Variants in AGPAT4 observed in about 807,000 individuals in gnomAD.
The protein encoded by AGPAT4 is 1-acyl-sn-glycerol-3-phosphate acyltransferase delta.
Under a neutral mutation model 48.0 loss-of-function variants are expected in AGPAT4, and 15 were observed. That is an observed-to-expected ratio of 0.31 (90% CI 0.21 to 0.48). The LOEUF (loss-of-function observed/expected upper bound fraction) is 0.48, where lower values mean the gene tolerates loss of function less well. Ranked by LOEUF, AGPAT4 falls within the 20% of genes least tolerant of loss-of-function variation. AGPAT4 has a pLI of 0.99. For missense variants in AGPAT4, 314 were observed against 482.5 expected (o/e 0.65, Z 3.27); for synonymous variants, 178 against 198.7 (o/e 0.90, Z 0.88).
rs777958271 is a variant in AGPAT4 at position 161,136,528 on chromosome 6, C to T, written c.*12G>A. The T allele has an allele frequency of 1.5e-5, 25 of 1,613,310 alleles. No homozygotes were observed. Among genetic ancestry groups the T allele is most frequent in the Non-Finnish European group, 1.9e-5 (23 of 1,179,504 alleles). The stretch of plus-strand genomic sequence containing the variant: ...CCCCAAGGTTCCCTTCGGATGGTGA[C>T]ACCTCCCTGAGTCAGTCATTCAGTT... On this transcript the variant is annotated 3_prime_UTR_variant, in exon 9 of 9. Transcript: ENST00000320285.
intron 2 of AGPAT4, among the ~76,000 whole-genome samples, chr6:161,187,396 T>C (rs1780799856): frequency 6.6e-6 from 1 of 152,176 alleles, no homozygotes. Context: ...TCAAGAAATA[T>C]TGGAATCCAA....
intron 2 of AGPAT4, among the ~76,000 whole-genome samples, chr6:161,170,446 C>A (rs1780231552): frequency 6.7e-6 from 1 of 148,930 alleles, no homozygotes; most frequent in Non-Finnish European, 1.5e-5. Context: ...GGCATTTATA[C>A]ACATGCGCGT....
rs1461084678 is a variant in AGPAT4, at chr6:161,135,505, G to A, written c.*1035C>T. 1 of 152,330 alleles carries A rather than the reference G, an allele frequency of 6.6e-6. No individual in the cohort carries two copies. The highest frequency in any genetic ancestry group is 1.5e-5 in the Non-Finnish European group (1 of 68,138). 9.4% of individuals were successfully genotyped at this position (152,330 alleles called of 1,614,324 possible). A position where few individuals can be genotyped will look rare whatever the true frequency, so the allele number is the denominator to read the frequency against. ...GCCCGGAAGGAAGGCAGAAGCCTGG[G>A]GGTTTTTTGTACATGGGATGTCGGC... On this transcript the variant is annotated 3_prime_UTR_variant, in exon 9 of 9. Transcript: ENST00000320285.
chr6:161,253,222 G>GA (rs937958892), intron 1 of AGPAT4, among the ~76,000 whole-genome samples: 38 of 146,336 alleles, frequency 2.6e-4, no homozygotes, highest in Middle Eastern at 3.4e-3. Context: ...CAAAAAAAAA[G>GA]AAAAAAAAAT....
intron 2 of AGPAT4, among the ~76,000 whole-genome samples, chr6:161,230,545 A>C (rs1782096722): frequency 6.6e-6 from 1 of 152,226 alleles, no homozygotes; most frequent in East Asian, 1.9e-4. Flanking sequence ...ACACAAACTT[A>C]TCTCTCTTCA....
chr6:161,133,577 G>A lies in AGPAT4; in HGVS notation c.*2963C>T, dbSNP rs1278790128. The A allele has an allele frequency of 6.6e-6, 1 of 152,182 alleles. No homozygotes were observed. The allele number at this position is 152,182 out of a possible 1,614,324, so 9.4% of individuals were successfully genotyped here. On this transcript the variant is annotated 3_prime_UTR_variant, in exon 9 of 9. Coordinates refer to ENST00000320285, the MANE Select transcript of AGPAT4 (RefSeq NM_020133.3). ...AGACCTCAAGCTGCATCTTCCAAAT[G>A]GTTGGTGTCTTTTTAAGAGTCCCCG... is the stretch of plus-strand genomic sequence containing the variant.
chr6:161,268,313 G>T (rs1582924091), intron 1 of AGPAT4, among the ~76,000 whole-genome samples: 1 of 152,234 alleles, frequency 6.6e-6, no homozygotes, highest in South Asian at 2.1e-4. Context: ...CTAGACTGAG[G>T]CATCATCTCC....
Position 161,221,246 on chromosome 6 carries a change from C to T in AGPAT4, c.178+10790G>A, listed in dbSNP as rs2115027514. 6.6e-6 allele frequency among the ~76,000 whole-genome samples: 1 copy of T among 152,246 alleles called. No individual in the cohort carries two copies. Among genetic ancestry groups the T allele is most frequent in the Non-Finnish European group, 1.5e-5 (1 of 68,004 alleles). ...AACCACTGGCTAGATCTGAGTGGGG[C>T]AACTGGCCCCAGATGAGGTTCCTAC... On this transcript the variant is annotated intron_variant, in intron 2 of 8. Coordinates refer to ENST00000320285, the MANE Select transcript of AGPAT4 (RefSeq NM_020133.3). The surrounding 1 kb of genome is among the most constrained non-coding windows in gnomAD (Gnocchi z 4.5).
chr6:161,203,844 C>T (rs1481177341), intron 2 of AGPAT4, among the ~76,000 whole-genome samples: 1 of 152,178 alleles, frequency 6.6e-6, no homozygotes, highest in Non-Finnish European at 1.5e-5. Flanking sequence ...CATTTCTCCA[C>T]CCCTTGTAGA....
At position 161,195,291 on chromosome 6, in the gene AGPAT4, C is replaced by T. The variant is rs1300525573; in HGVS notation, c.179-28874G>A. 6.6e-6 allele frequency among the ~76,000 whole-genome samples: 1 copy of T among 152,108 alleles called. No homozygotes were observed. Among genetic ancestry groups the T allele is most frequent in the Non-Finnish European group, 1.5e-5 (1 of 68,016 alleles). On this transcript the variant is annotated intron_variant, in intron 2 of 8. Transcript: ENST00000320285. This position sits in a 1 kb window ranked among gnomAD's most constrained non-coding sequence, Gnocchi z 5.0. ...TTTCAGGGTAAGAGTCCAGCTTTCC[C>T]TTTCCAGTGGCAGTCTTCCCAAAAT...
chr6:161,273,799 C>CCG (rs1317789761), intron 1 of AGPAT4, 139 bp downstream of exon 1: 7 of 149,330 alleles, frequency 4.7e-5, no homozygotes, highest in Non-Finnish European at 1.0e-4. Context: ...TGCACTCCCC[C>CCG]CCCGCCCCCG....
In AGPAT4 at chr6:161,159,612, T is replaced by TGC. The variant is rs1779863739; in HGVS notation, c.349-5303_349-5302insGC. 1.3e-5 allele frequency among the ~76,000 whole-genome samples: 2 copies of TGC among 151,824 alleles called. No homozygotes were observed. Among genetic ancestry groups the TGC allele is most frequent in the African/African-American group, 4.8e-5 (2 of 41,386 alleles). On this transcript the variant is annotated intron_variant, in intron 3 of 8. Transcript: ENST00000320285. The surrounding 1 kb of genome is among the most constrained non-coding windows in gnomAD (Gnocchi z 4.1). Reference sequence around the variant, plus strand: ...GAATCAGTTTGTGTGCACGCGTGCGTGTGTGTGTGTGTTCATCAAAAGGTG... The same window carrying TGC: ...GAATCAGTTTGTGTGCACGCGTGCGTGCGTGTGTGTGTGTTCATCAAAAGGTG...
rs1405544407 is a variant in AGPAT4 at position 161,219,585 on chromosome 6, G to C, written c.178+12451C>G. ...ACTTAAGTCAGAAGTGAAATTTAAT[G>C]CTTCCAAAAACAAATGGGCACTTTG... is the stretch of plus-strand genomic sequence containing the variant. On this transcript the variant is annotated intron_variant, in intron 2 of 8. Coordinates refer to ENST00000320285, the MANE Select transcript of AGPAT4 (RefSeq NM_020133.3). The surrounding 1 kb of genome is among the most constrained non-coding windows in gnomAD (Gnocchi z 4.9). Among the ~76,000 whole-genome samples the C allele has an allele frequency of 6.6e-6, 1 of 152,084 alleles. No homozygotes were observed. The highest frequency in any genetic ancestry group is 1.5e-5 in the Non-Finnish European group (1 of 68,020).
In AGPAT4 at chr6:161,141,502, C is replaced by T. The variant is rs368503256; in HGVS notation, c.844-1882G>A. 1.3e-5 allele frequency among the ~76,000 whole-genome samples: 2 copies of T among 151,998 alleles called. No homozygotes were observed. The highest frequency in any genetic ancestry group is 2.9e-5 in the Non-Finnish European group (2 of 68,014). Reference sequence around the variant, plus strand: ...AGCGGCATTCGCCTGCCCACCAGAACGGGGTGATTTTCTTATCCCAGGTTG... The same window carrying T: ...AGCGGCATTCGCCTGCCCACCAGAATGGGGTGATTTTCTTATCCCAGGTTG... On this transcript the variant is annotated intron_variant, in intron 7 of 8. Coordinates refer to ENST00000320285, the MANE Select transcript of AGPAT4 (RefSeq NM_020133.3). This position sits in a 1 kb window ranked among gnomAD's most constrained non-coding sequence, Gnocchi z 6.7.
chr6:161,252,153 G>A (rs1782821031), intron 1 of AGPAT4, among the ~76,000 whole-genome samples: 1 of 152,184 alleles, frequency 6.6e-6, no homozygotes, highest in African/African-American at 2.4e-5. Flanking sequence ...TAGAGGCCCC[G>A]AGACCACCTT....
intron 2 of AGPAT4, among the ~76,000 whole-genome samples, chr6:161,207,128 T>C (rs1347674560): frequency 6.6e-6 from 1 of 152,262 alleles, no homozygotes; most frequent in Non-Finnish European, 1.5e-5. Context: ...CAAATCTTTG[T>C]AGACAGTGTT....
rs1781883832 is a variant in AGPAT4 at position 161,223,455 on chromosome 6, C to A, written c.178+8581G>T. On this transcript the variant is annotated intron_variant, in intron 2 of 8. Transcript: ENST00000320285. The surrounding 1 kb of genome is among the most constrained non-coding windows in gnomAD (Gnocchi z 6.3). Reference sequence around the variant, plus strand: ...CTCCTCCTCTCTGTTCGGCCTTAGGCAAGTCATCCAACCTCTCGCCTCATT... The same window carrying A: ...CTCCTCCTCTCTGTTCGGCCTTAGGAAAGTCATCCAACCTCTCGCCTCATT... Among the ~76,000 whole-genome samples, 1 of 152,200 alleles carries A rather than the reference C, an allele frequency of 6.6e-6. No individual in the cohort carries two copies.
rs945462026 is a variant in AGPAT4 at position 161,142,084 on chromosome 6, C to T, written c.844-2464G>A. Among the ~76,000 whole-genome samples, 3 of 152,204 alleles carry T rather than the reference C, an allele frequency of 2.0e-5. No individual in the cohort carries two copies. Among genetic ancestry groups the T allele is most frequent in the Non-Finnish European group, 4.4e-5 (3 of 68,044 alleles). ...GGCCAGGCTGGTATTGAACTCCTGA[C>T]CTCAGGTGATCCTCCTGCCTCAGCC... On this transcript the variant is annotated intron_variant, in intron 7 of 8. Transcript: ENST00000320285. The surrounding 1 kb of genome is among the most constrained non-coding windows in gnomAD (Gnocchi z 6.4).
chr6:161,187,768 T>G (rs1286836283), intron 2 of AGPAT4, among the ~76,000 whole-genome samples: 1 of 152,160 alleles, frequency 6.6e-6, no homozygotes, highest in African/African-American at 2.4e-5. Flanking sequence ...GGTCTCAAAC[T>G]CCTGATCTCA....
Sources: allele counts gnomAD v4.1 joint callset (sites outside exome capture counted in the v4.1 genomes callset), GRCh38; gene constraint gnomAD v4.1.1; non-coding constraint Gnocchi (gnomAD v3.1); transcripts MANE v1.5; gene names NCBI Gene and HGNC (gene_info 2026-07-23, HGNC 2026-07-21).